Variants in KCNAB2 observed in about 807,000 individuals in gnomAD.
KCNAB2 encodes the protein voltage-gated potassium channel subunit beta-2.
A neutral mutation model predicts 63.6 loss-of-function variants in KCNAB2; 29 were observed. The ratio of observed to expected loss-of-function variants is 0.46; its 90% confidence interval spans 0.34 to 0.62. The LOEUF (loss-of-function observed/expected upper bound fraction) is 0.62. KCNAB2 is among the 20% of genes least tolerant of loss of function. The probability of loss-of-function intolerance (pLI) is 0.01; values close to 1 mark genes in which losing one functional copy is unlikely to be tolerated. For missense variants in KCNAB2, 359 were observed against 563.9 expected (o/e 0.64, Z 3.68); for synonymous variants, 222 against 224.2 (o/e 0.99, Z 0.09).
At position 5,994,964 on chromosome 1, in the gene KCNAB2, C is replaced by A. The variant is rs1362796595; in HGVS notation, c.-53+2176C>A. Reference sequence around the variant, plus strand: ...TGCTCTGCCGTGGTAACTGGGAACACATCATCTGTGTGGAAGGAGAGCCTG... The same window carrying A: ...TGCTCTGCCGTGGTAACTGGGAACAAATCATCTGTGTGGAAGGAGAGCCTG... On this transcript the variant is annotated intron_variant, in intron 1 of 16. Transcript: ENST00000341524. This position sits in a 1 kb window ranked among gnomAD's most constrained non-coding sequence, Gnocchi z 5.4. Among the ~76,000 whole-genome samples the A allele has an allele frequency of 1.3e-5, 2 of 152,202 alleles. No homozygotes were observed. Among genetic ancestry groups the A allele is most frequent in the African/African-American group, 4.8e-5 (2 of 41,448 alleles).
intron 2 of KCNAB2, 23 bp from the exon 3 acceptor site, chr1:6,072,732 C>T: frequency 6.2e-7 from 1 of 1,613,362 alleles, no homozygotes; most frequent in Non-Finnish European, 8.5e-7. Flanking sequence ...GTGCTGAGAA[C>T]TCACGTGGCG....
In KCNAB2 at chr1:6,100,739, T is replaced by C. The variant is rs1665976407; in HGVS notation, c.*2165T>C. 1 of 152,364 alleles carries C rather than the reference T, an allele frequency of 6.6e-6. No individual in the cohort carries two copies. The highest frequency in any genetic ancestry group is 2.4e-5 in the African/African-American group (1 of 41,472). 9.4% of individuals were successfully genotyped at this position (152,364 alleles called of 1,614,324 possible). A position where few individuals can be genotyped will look rare whatever the true frequency, so the allele number is the denominator to read the frequency against. On this transcript the variant is annotated 3_prime_UTR_variant, in exon 16 of 16. Coordinates refer to ENST00000378083, the MANE Select transcript of KCNAB2 (RefSeq NM_001199862.2). ...TCCACGACCTGGTTCCTGGATGTCCTGCTTGCTCCACACCCATCTACAGGG... is the reference window on the plus strand; with the variant it reads ...TCCACGACCTGGTTCCTGGATGTCCCGCTTGCTCCACACCCATCTACAGGG...
chr1:6,072,255 T>C (rs1444200069), intron 2 of KCNAB2, among the ~76,000 whole-genome samples: 3 of 152,110 alleles, frequency 2.0e-5, no homozygotes, highest in Non-Finnish European at 2.9e-5. Context: ...AGCCCTACCA[T>C]GGAGCTCCCC....
chr1:6,046,720 C>T (rs1005192518), intron 1 of KCNAB2, among the ~76,000 whole-genome samples: 3 of 152,154 alleles, frequency 2.0e-5, no homozygotes, highest in Non-Finnish European at 4.4e-5. Flanking sequence ...AGCCGCACCC[C>T]GGAATGGTAG....
chr1:6,070,017 C>G (rs1557479216), intron 2 of KCNAB2, among the ~76,000 whole-genome samples: 1 of 152,186 alleles, frequency 6.6e-6, no homozygotes, highest in Non-Finnish European at 1.5e-5. Flanking sequence ...CCAAGGGGTG[C>G]CTCTTCTCTT....
chr1:6,030,894 GTGTA>G (rs1317522579), upstream of KCNAB2, among the ~76,000 whole-genome samples: 1 of 150,462 alleles, frequency 6.6e-6, no homozygotes, highest in Non-Finnish European at 1.5e-5. Flanking sequence ...GTGTAGGTGT[GTGTA>G]TGTGAATAGG....
At chr1:6,033,883 T>TTCCGGAGC (rs1297274064), upstream of KCNAB2, among the ~76,000 whole-genome samples, 1 of 152,200 alleles carries the variant, frequency 6.6e-6, no homozygotes, top group African/African-American at 2.4e-5. Flanking sequence ...TCTCCAAATC[T>TTCCGGAGC]AAATCCGGAA....
In KCNAB2 at chr1:6,071,864, C is replaced by T. The variant is rs560071518; in HGVS notation, c.219-891C>T. 8.7e-5 allele frequency among the ~76,000 whole-genome samples: 13 copies of T among 150,146 alleles called. No individual in the cohort carries two copies. Among genetic ancestry groups the T allele is most frequent in the Non-Finnish European group, 1.6e-4 (11 of 67,290 alleles). ...CTCCTGCCGCGAGGGCACCTCCTGC[C>T]GCGTGGGCTCCTCCTGCCGCGTAGG... is the stretch of plus-strand genomic sequence containing the variant. On this transcript the variant is annotated intron_variant, in intron 2 of 15. Transcript: ENST00000378083. The surrounding 1 kb of genome is among the most constrained non-coding windows in gnomAD (Gnocchi z 8.5).
rs1004499972 is a variant in KCNAB2 at position 6,035,535 on chromosome 1, G to A, written c.-53+741G>A. Among the ~76,000 whole-genome samples, 7 of 152,058 alleles carry A rather than the reference G, an allele frequency of 4.6e-5. No homozygotes were observed. Among genetic ancestry groups the A allele is most frequent in the Admixed American group, 3.3e-4 (5 of 15,276 alleles). On this transcript the variant is annotated intron_variant, in intron 1 of 15. Transcript: ENST00000164247. This position sits in a 1 kb window ranked among gnomAD's most constrained non-coding sequence, Gnocchi z 5.0. ...ATGGATTGGATGTGGGAGGCGGGAC[G>A]TGGGAGGAAGGGAGGAGTCGGGGTG...
rs1270945068 is a variant in KCNAB2, at chr1:6,100,017, A to G, written c.*1443A>G. The G allele has an allele frequency of 6.5e-7, 1 of 1,535,042 alleles. No individual in the cohort carries two copies. The highest frequency in any genetic ancestry group is 8.8e-7 in the Non-Finnish European group (1 of 1,139,134). On this transcript the variant is annotated 3_prime_UTR_variant, in exon 16 of 16. Transcript: ENST00000378083. ...AAGCCACCCCCACCCCTCGCCAGCT[A>G]GCTCCATAGGGAAGCCTGTGTCTCC...
chr1:6,005,423 T>A (rs7416729), intron 1 of KCNAB2, among the ~76,000 whole-genome samples: 58 of 748 alleles, frequency 0.078, 15 homozygotes, highest in African/African-American at 0.22. Flanking sequence ...GGGGTGGAGT[T>A]GTGGGTTGTG....
intron 1 of KCNAB2, among the ~76,000 whole-genome samples, chr1:6,025,605 C>T (rs1297302442): frequency 6.6e-6 from 1 of 152,218 alleles, no homozygotes; most frequent in Non-Finnish European, 1.5e-5. Flanking sequence ...CCCCTCAAGG[C>T]GGCTGCCCCC....
upstream of KCNAB2, among the ~76,000 whole-genome samples, chr1:6,042,830 G>A (rs1176961094): frequency 3.6e-4 from 10 of 27,874 alleles, no homozygotes; most frequent in Non-Finnish European, 5.6e-4. Flanking sequence ...CTCTCCCCGC[G>A]CCCCCACTCC....
rs752954687 is a variant in KCNAB2 at position 6,090,429 on chromosome 1, G to A, written c.555G>A (p.Val185=). ...TGGAGCGACTGCAGCTGGAGTACGT[G>A]GATGTGGTGTTTGCCAACCGCCCGG... ...ASLERLQLEY[V]DVVFANRPDP... is the part of the protein sequence containing the mutation. The change falls in exon 9 of 16, where the codon GTG becomes GTA. Residue 185 remains valine (V), a synonymous_variant. Coordinates refer to ENST00000378083, the MANE Select transcript of KCNAB2 (RefSeq NM_001199862.2). The A allele has an allele frequency of 5.6e-6, 9 of 1,613,944 alleles. No homozygotes were observed. In the South Asian group the frequency reaches 7.7e-5, roughly 14 times the overall value.
At chr1:6,042,813 A>C, upstream of KCNAB2, among the ~76,000 whole-genome samples, 1 of 141,360 alleles carries the variant, frequency 7.1e-6, no homozygotes, top group South Asian at 2.3e-4. Context: ...ATTTCCATGT[A>C]GCTTTTCTCT....
intron 5 of KCNAB2, among the ~76,000 whole-genome samples, chr1:6,084,604 T>C (rs924841153): frequency 4.6e-5 from 7 of 152,120 alleles, no homozygotes; most frequent in Admixed American, 2.0e-4. Flanking sequence ...TCACTCGAGA[T>C]GAGGAGTTCG....
intron 2 of KCNAB2, among the ~76,000 whole-genome samples, chr1:6,055,330 T>G (rs1436786405): frequency 1.4e-5 from 2 of 147,204 alleles, no homozygotes; most frequent in African/African-American, 2.5e-5. Context: ...TCTCAGGGAG[T>G]GGAGGAGACC....
upstream of KCNAB2, among the ~76,000 whole-genome samples, chr1:6,042,902 C>T (rs969175292): frequency 6.4e-5 from 9 of 140,332 alleles, no homozygotes; most frequent in African/African-American, 1.1e-4. Context: ...CCTAGATGCT[C>T]AGAGTGATCT....
In KCNAB2 at chr1:6,078,937, A is replaced by G. The variant is rs570660293; in HGVS notation, c.301-3258A>G. On this transcript the variant is annotated intron_variant, in intron 4 of 15. Transcript: ENST00000378083. The surrounding 1 kb of genome is among the most constrained non-coding windows in gnomAD (Gnocchi z 4.2). Reference sequence around the variant, plus strand: ...GATGGAAGCAGAGAGCTAGGAGGCTATTGTGAGAAACCACCCAAGAGCCGC... The same window carrying G: ...GATGGAAGCAGAGAGCTAGGAGGCTGTTGTGAGAAACCACCCAAGAGCCGC... 3.3e-5 allele frequency among the ~76,000 whole-genome samples: 5 copies of G among 152,304 alleles called. No homozygotes were observed. Among genetic ancestry groups the G allele is most frequent in the Non-Finnish European group, 7.4e-5 (5 of 68,014 alleles).
Sources: allele counts gnomAD v4.1 joint callset (sites outside exome capture counted in the v4.1 genomes callset), GRCh38; gene constraint gnomAD v4.1.1; non-coding constraint Gnocchi (gnomAD v3.1); transcripts MANE v1.5; gene names NCBI Gene and HGNC (gene_info 2026-07-23, HGNC 2026-07-21).